Variants in SYT15B observed in about 807,000 individuals in gnomAD.
SYT15B encodes the protein synaptotagmin 15B, also known as synaptotagmin-15.
At chr10:47,755,175 T>C in the SYT15B span, among the ~76,000 whole-genome samples, 5 of 151,654 alleles carry the variant, frequency 3.3e-5, no homozygotes, top group African/African-American at 9.7e-5. Context: ...CAGGATGGTC[T>C]TGATCTCTTG....
the SYT15B span, among the ~76,000 whole-genome samples, chr10:47,749,765 A>G: frequency 6.7e-6 from 1 of 150,074 alleles, no homozygotes; most frequent in South Asian, 2.1e-4. Flanking sequence ...GGAAACAAGT[A>G]GTAAGATGGT....
At chr10:47,750,983 G>T in the SYT15B span, 22 of 144,050 alleles carry the variant, frequency 1.5e-4, no homozygotes, top group South Asian at 5.0e-3. Context: ...TTCAAAAGGT[G>T]CAGAGTAAGT....
At chr10:47,750,160 G>A in the SYT15B span, among the ~76,000 whole-genome samples, 3 of 152,026 alleles carry the variant, frequency 2.0e-5, no homozygotes, top group Admixed American at 6.5e-5. Context: ...CAGTAAAGAC[G>A]TAGATAATTT....
At chr10:47,745,911 G>A in the SYT15B span, among the ~76,000 whole-genome samples, 1 of 151,118 alleles carries the variant, frequency 6.6e-6, no homozygotes, top group African/African-American at 2.4e-5. Flanking sequence ...AACATAAGGA[G>A]AGACACAGAT....
the SYT15B span, among the ~76,000 whole-genome samples, chr10:47,748,650 C>T: frequency 1.3e-5 from 2 of 152,200 alleles, no homozygotes; most frequent in Non-Finnish European, 1.5e-5. Context: ...CTTCCTGCCT[C>T]CCTCCTGTCG....
chr10:47,746,671 C>T, the SYT15B span, among the ~76,000 whole-genome samples: 1 of 142,868 alleles, frequency 7.0e-6, no homozygotes, highest in South Asian at 2.3e-4. Flanking sequence ...AGAGTGAAAC[C>T]CTAAAAAAAA....
the SYT15B span, among the ~76,000 whole-genome samples, chr10:47,748,058 A>G: frequency 2.0e-5 from 3 of 152,204 alleles, no homozygotes; most frequent in Admixed American, 6.5e-5. Context: ...GGCCTAACAC[A>G]TATGTAACTG....
the SYT15B span, among the ~76,000 whole-genome samples, chr10:47,744,949 G>A: frequency 7.9e-5 from 12 of 152,008 alleles, no homozygotes; most frequent in Admixed American, 2.6e-4. Context: ...ATCCCATGTA[G>A]GAGTCTAAAC....
the SYT15B span, among the ~76,000 whole-genome samples, chr10:47,761,930 T>G: frequency 7.5e-6 from 1 of 134,056 alleles, no homozygotes; most frequent in Non-Finnish European, 1.6e-5. Context: ...GATTCTGGCT[T>G]AAAGAAGCCA....
the SYT15B span, among the ~76,000 whole-genome samples, chr10:47,755,555 C>T: frequency 1.2e-5 from 1 of 82,998 alleles, no homozygotes; most frequent in Non-Finnish European, 2.2e-5. Flanking sequence ...GTGCCCGGCC[C>T]TTTTTTTTTT....
At chr10:47,756,735 G>A in the SYT15B span, among the ~76,000 whole-genome samples, 9 of 152,378 alleles carry the variant, frequency 5.9e-5, no homozygotes, top group South Asian at 1.7e-3. Flanking sequence ...AATGGGGTGG[G>A]ACATGTGGGG....
At chr10:47,749,970 A>T in the SYT15B span, among the ~76,000 whole-genome samples, 2 of 152,020 alleles carry the variant, frequency 1.3e-5, no homozygotes, top group Non-Finnish European at 2.9e-5. Context: ...GCCATTTCAC[A>T]TAATAAAGGT....
At chr10:47,749,697 TAATC>T in the SYT15B span, among the ~76,000 whole-genome samples, 1 of 150,876 alleles carries the variant, frequency 6.6e-6, no homozygotes, top group Non-Finnish European at 1.5e-5. Context: ...ATTAAAAAAA[TAATC>T]AGAAAGAAAG....
chr10:47,748,106 G>A, the SYT15B span, among the ~76,000 whole-genome samples: 2 of 152,156 alleles, frequency 1.3e-5, no homozygotes. Flanking sequence ...AGAAGGAACA[G>A]TTAAATAAAT....
the SYT15B span, chr10:47,751,081 A>G: frequency 2.0e-5 from 3 of 151,210 alleles, no homozygotes; most frequent in East Asian, 3.9e-4. Context: ...TAAAAATCCT[A>G]TAACAACCAT....
the SYT15B span, among the ~76,000 whole-genome samples, chr10:47,748,204 CTTTT>C: frequency 5.0e-4 from 74 of 148,770 alleles, no homozygotes; most frequent in African/African-American, 1.7e-3. Context: ...GCACACTATA[CTTTT>C]TTTTTATTAT....
the SYT15B span, among the ~76,000 whole-genome samples, chr10:47,756,739 T>A: frequency 6.6e-6 from 1 of 152,238 alleles, no homozygotes; most frequent in South Asian, 2.1e-4. Context: ...GGGTGGGACA[T>A]GTGGGGTGAA....
At chr10:47,756,213 A>G in the SYT15B span, 1 of 350,586 alleles carries the variant, frequency 2.9e-6, no homozygotes, top group Non-Finnish European at 4.7e-6. Context: ...AGACACTTTG[A>G]CAAACACACC....
chr10:47,749,156 C>T, the SYT15B span, among the ~76,000 whole-genome samples: 5 of 88,276 alleles, frequency 5.7e-5, no homozygotes, highest in African/African-American at 1.7e-4. Flanking sequence ...ACTGCTTGAA[C>T]CTAGGAGGTT....
Sources: gnomAD v4.1 joint callset for allele counts (sites outside exome capture counted in the v4.1 genomes callset) on GRCh38, gnomAD v4.1.1 for gene constraint, MANE v1.5 for transcripts, NCBI Gene and HGNC (gene_info 2026-07-23, HGNC 2026-07-21) for gene names.